The following PRDM6 variants were observed in gnomAD, a reference collection of about 807,000 sequenced individuals.
The protein encoded by PRDM6 is putative histone-lysine N-methyltransferase PRDM6.
A neutral mutation model predicts 60.8 loss-of-function variants in PRDM6; 25 were observed. That is an observed-to-expected ratio of 0.41 (90% CI 0.30 to 0.57). The LOEUF is 0.57. Ranked by LOEUF, PRDM6 falls within the 20% of genes least tolerant of loss-of-function variation. The pLI, the probability that PRDM6 is intolerant of heterozygous loss-of-function variation, is 0.27. For missense variants in PRDM6, 839 were observed against 821.3 expected (o/e 1.02, Z -0.26); for synonymous variants, 407 against 357.4 (o/e 1.14, Z -1.57).
At position 123,099,592 on chromosome 5, in the gene PRDM6, G is replaced by A. The variant is rs1764049309; in HGVS notation, c.593-62G>A. On this transcript the variant is annotated intron_variant, in intron 2 of 7. Transcript: ENST00000407847. This position sits in a 1 kb window ranked among gnomAD's most constrained non-coding sequence, Gnocchi z 4.0. Reference sequence around the variant, plus strand: ...TTGTCTCGGGAGTTTACTCAAAGATGGGCCGCTCGGGGCGGCCGGATTAAC... The same window carrying A: ...TTGTCTCGGGAGTTTACTCAAAGATAGGCCGCTCGGGGCGGCCGGATTAAC... The A allele has an allele frequency of 7.2e-7, 1 of 1,383,596 alleles. No individual in the cohort carries two copies. Among genetic ancestry groups the A allele is most frequent in the Non-Finnish European group, 9.5e-7 (1 of 1,054,990 alleles). 85.7% of individuals were successfully genotyped at this position (1,383,596 alleles called of 1,614,324 possible). A position where few individuals can be genotyped will look rare whatever the true frequency, so the allele number is the denominator to read the frequency against.
At chr5:123,164,652 G>A (rs1229254292) in intron 5 of PRDM6, among the ~76,000 whole-genome samples, 1 of 152,190 alleles carries the variant, frequency 6.6e-6, no homozygotes, top group Non-Finnish European at 1.5e-5. Context: ...CACTAAAAAG[G>A]TGTTGACAGA....
chr5:123,091,441 G>A (rs537353238), intron 2 of PRDM6, among the ~76,000 whole-genome samples: 30 of 152,254 alleles, frequency 2.0e-4, no homozygotes, highest in African/African-American at 7.0e-4. Context: ...CAAGTTAATA[G>A]CAAATGCCTA....
chr5:123,170,985 C>T lies in PRDM6; in HGVS notation c.1373C>T (p.Thr458Ile). ...AACCAGCGAGTCCTGGCAAGCCCAA[C>T]TTCCACAAGCCAGCTCCACTCGGAG... Reference protein sequence around the residue: ...VKNQRVLASPTSTSQLHSEFS... With the variant: ...VKNQRVLASPISTSQLHSEFS... Residue 458 changes from threonine to isoleucine, a missense_variant, in exon 6 of 8, where the codon ACT (threonine) becomes ATT (isoleucine). Thr to Ile is a moderately conservative substitution (Grantham distance 89, BLOSUM62 -1). Transcript: ENST00000407847. 1 of 1,551,840 alleles carries T rather than the reference C, an allele frequency of 6.4e-7. No individual in the cohort carries two copies.
chr5:123,157,967 C>T (rs1765543350), intron 4 of PRDM6, among the ~76,000 whole-genome samples: 1 of 152,212 alleles, frequency 6.6e-6, no homozygotes, highest in African/African-American at 2.4e-5. Flanking sequence ...GAAATATTAT[C>T]TGAAAAGGGA....
In PRDM6 at chr5:123,099,598, C is replaced by T. The variant is rs335165; in HGVS notation, c.593-56C>T. On this transcript the variant is annotated intron_variant, in intron 2 of 7. Coordinates refer to ENST00000407847, the MANE Select transcript of PRDM6 (RefSeq NM_001136239.4). The surrounding 1 kb of genome is among the most constrained non-coding windows in gnomAD (Gnocchi z 4.0). The stretch of plus-strand genomic sequence containing the variant: ...CGGGAGTTTACTCAAAGATGGGCCG[C>T]TCGGGGCGGCCGGATTAACCCGCTC... 2 of 1,403,886 alleles carry T rather than the reference C, an allele frequency of 1.4e-6. No individual in the cohort carries two copies. Among genetic ancestry groups the T allele is most frequent in the Non-Finnish European group, 1.9e-6 (2 of 1,073,044 alleles). The allele number at this position is 1,403,886 out of a possible 1,614,324, so 87.0% of individuals were successfully genotyped here. A position where few individuals can be genotyped will look rare whatever the true frequency, so the allele number is the denominator to read the frequency against.
At chr5:123,142,689 C>T (rs1007043409) in intron 3 of PRDM6, among the ~76,000 whole-genome samples, 1 of 151,694 alleles carries the variant, frequency 6.6e-6, no homozygotes, top group Non-Finnish European at 1.5e-5. Context: ...ATTGAGCAGC[C>T]CAGTGTAATC....
Position 123,188,922 on chromosome 5 carries a change from T to A in PRDM6, c.*1721T>A, listed in dbSNP as rs1766346029. 2 of 152,192 alleles carry A rather than the reference T, an allele frequency of 1.3e-5. No individual in the cohort carries two copies. The highest frequency in any genetic ancestry group is 6.5e-5 in the Admixed American group (1 of 15,274). The allele number at this position is 152,192 out of a possible 1,614,324, so 9.4% of individuals were successfully genotyped here. ...CAGTTATTATTTATATACGTATATA[T>A]ACATATATACACATAATAATAATCT... On this transcript the variant is annotated 3_prime_UTR_variant, in exon 8 of 8. Coordinates refer to ENST00000407847, the MANE Select transcript of PRDM6 (RefSeq NM_001136239.4).
chr5:123,147,540 C>A (rs1765274155), intron 3 of PRDM6, among the ~76,000 whole-genome samples: 1 of 152,188 alleles, frequency 6.6e-6, no homozygotes, highest in Admixed American at 6.5e-5. Flanking sequence ...CAGCTAACAG[C>A]TGGATGCAGA....
At chr5:123,102,176 T>C (rs780666899) in intron 3 of PRDM6, among the ~76,000 whole-genome samples, 1 of 152,160 alleles carries the variant, frequency 6.6e-6, no homozygotes, top group Non-Finnish European at 1.5e-5. Context: ...AATGTGTCAG[T>C]CTCCTGGGAG....
rs116758437 is a variant in PRDM6, at chr5:123,178,176, C to G, written c.1497-1971C>G. On this transcript the variant is annotated intron_variant, in intron 6 of 7. Coordinates refer to ENST00000407847, the MANE Select transcript of PRDM6 (RefSeq NM_001136239.4). ...ACTTCTGACTGTGAGAAATAAATCACCCCAACTTTTGACAGCAGAGTTAGA... is the reference window on the plus strand; with the variant it reads ...ACTTCTGACTGTGAGAAATAAATCAGCCCAACTTTTGACAGCAGAGTTAGA... Among the ~76,000 whole-genome samples, 1,161 of 151,686 alleles carry G rather than the reference C, an allele frequency of 7.7e-3. 22 individuals carry two copies. The highest frequency in any genetic ancestry group is 0.027 in the African/African-American group (1,109 of 41,350).
At chr5:123,127,712 CTT>C (rs1229329646) in intron 3 of PRDM6, among the ~76,000 whole-genome samples, 2 of 149,152 alleles carry the variant, frequency 1.3e-5, no homozygotes, top group African/African-American at 2.5e-5. Context: ...CTTTCTTTCT[CTT>C]TCTTTCTTTC....
At position 123,090,010 on chromosome 5, in the gene PRDM6, C is replaced by T; in HGVS notation, c.-5C>T. ...GCCCTCTGCCCCCAGTTCGAGGCGC[C>T]GGACATGCTGAAGCCCGGAGACCCC... On this transcript the variant is annotated 5_prime_UTR_variant, in exon 2 of 8. Transcript: ENST00000407847. 6.5e-7 allele frequency: 1 copy of T among 1,545,582 alleles called. No homozygotes were observed.
At chr5:123,182,060 G>C (rs1422282) in intron 7 of PRDM6, among the ~76,000 whole-genome samples, 43,512 of 152,138 alleles carry the variant, frequency 0.29, 6,612 homozygotes, top group East Asian at 0.58. Context: ...AAGTGGGCAG[G>C]ATGGGGCCTA....
At chr5:123,185,474 C>A (rs1225111029) in intron 7 of PRDM6, among the ~76,000 whole-genome samples, 1 of 152,112 alleles carries the variant, frequency 6.6e-6, no homozygotes, top group Admixed American at 6.6e-5. Flanking sequence ...ATGAGCTGCC[C>A]ACGGACGTTA....
At chr5:123,110,273 CTTTTT>C (rs34213134) in intron 3 of PRDM6, among the ~76,000 whole-genome samples, 1 of 106,200 alleles carries the variant, frequency 9.4e-6, no homozygotes, top group Non-Finnish European at 2.0e-5. Context: ...TAATCATTTC[CTTTTT>C]TTTTTTTTTT....
At position 123,170,860 on chromosome 5, in the gene PRDM6, G is replaced by A. The variant is rs1302160563; in HGVS notation, c.1248G>A (p.Gln416=). 2 of 1,552,232 alleles carry A rather than the reference G, an allele frequency of 1.3e-6. No individual in the cohort carries two copies. Among genetic ancestry groups the A allele is most frequent in the Admixed American group, 3.9e-5 (2 of 51,004 alleles). Residue 416 remains glutamine, a synonymous_variant, in exon 6 of 8, where the codon CAG becomes CAA. Transcript: ENST00000407847. The stretch of plus-strand genomic sequence containing the variant: ...GCAAACTCGCCCCTACCACCCAGCA[G>A]CGCTCCGTTGTTTTCCCCCAGACTC... ...KSSKLAPTTQ[Q]RSVVFPQTPC...
chr5:123,134,859 C>T (rs1295686809), intron 3 of PRDM6, among the ~76,000 whole-genome samples: 1 of 152,158 alleles, frequency 6.6e-6, no homozygotes, highest in Non-Finnish European at 1.5e-5. Flanking sequence ...TTACCTAAGA[C>T]ATCAGTGTTT....
chr5:123,180,007 A>C (rs1766109686), intron 6 of PRDM6, 140 bp from the exon 7 acceptor site: 1 of 758,914 alleles, frequency 1.3e-6, no homozygotes, highest in Admixed American at 3.3e-5. Context: ...AGTAGTGGGA[A>C]TCCAGTGGCC....
intron 5 of PRDM6, among the ~76,000 whole-genome samples, chr5:123,169,155 T>G (rs1471297517): frequency 6.6e-6 from 1 of 152,252 alleles, no homozygotes; most frequent in Non-Finnish European, 1.5e-5. Context: ...TTCATTCTCT[T>G]GACCACCTGG....
Sources: allele counts gnomAD v4.1 joint callset (sites outside exome capture counted in the v4.1 genomes callset), GRCh38; gene constraint gnomAD v4.1.1; non-coding constraint Gnocchi (gnomAD v3.1); transcripts MANE v1.5; gene names NCBI Gene and HGNC (gene_info 2026-07-23, HGNC 2026-07-21).